The following MIB1 variants were observed in gnomAD, a reference collection of about 807,000 sequenced individuals.
The protein encoded by MIB1 is MIB E3 ubiquitin protein ligase 1.
In MIB1, 278 loss-of-function variants were observed where a neutral mutation model predicts 124.5. The observed-to-expected ratio is 2.23, with a 90% CI of 2.02 to 2.47. The LOEUF (loss-of-function observed/expected upper bound fraction) is 2.47, where lower values mean the gene tolerates loss of function less well. Among genes scored for constraint, MIB1 ranks in the 30% most tolerant of loss-of-function variants. The pLI, the probability that MIB1 is intolerant of heterozygous loss-of-function variation, is 0.00. For synonymous variants in MIB1, 446 were observed against 429.4 expected (o/e 1.04, Z -0.48); for missense variants, 957 against 1,254.4 (o/e 0.76, Z 3.58).
chr18:21,814,429 C>A (rs2041806514), intron 10 of MIB1, among the ~76,000 whole-genome samples: 1 of 148,250 alleles, frequency 6.7e-6, no homozygotes, highest in Admixed American at 6.7e-5. Flanking sequence ...TTTGTGTCAT[C>A]TTTGTAGGAC....
chr18:21,778,946 G>A (rs1190846222), intron 5 of MIB1, among the ~76,000 whole-genome samples: 1 of 152,004 alleles, frequency 6.6e-6, no homozygotes. Context: ...TCAGTATAGT[G>A]TTTCATGATC....
At chr18:21,833,212 C>T (rs1221342419) in intron 12 of MIB1, among the ~76,000 whole-genome samples, 2 of 152,168 alleles carry the variant, frequency 1.3e-5, no homozygotes, top group South Asian at 2.1e-4. Flanking sequence ...AATTATTCCT[C>T]TTGGGAACAA....
chr18:21,715,792 TAACTC>T (rs906402137), intron 1 of MIB1, among the ~76,000 whole-genome samples: 14 of 152,016 alleles, frequency 9.2e-5, no homozygotes, highest in Admixed American at 1.3e-4. Flanking sequence ...GTTTTCGAAT[TAACTC>T]AATCCAACAA....
chr18:21,843,005 G>C, intron 13 of MIB1, 126 bp from the exon 14 acceptor site: 1 of 600,312 alleles, frequency 1.7e-6, no homozygotes. Flanking sequence ...GAATAACATT[G>C]CAGCAGCTGA....
chr18:21,801,134 C>G (rs1157342595), intron 9 of MIB1, among the ~76,000 whole-genome samples: 1 of 152,136 alleles, frequency 6.6e-6, no homozygotes, highest in Non-Finnish European at 1.5e-5. Context: ...CTATTCTTAG[C>G]TGGCTGATAG....
intron 6 of MIB1, among the ~76,000 whole-genome samples, chr18:21,790,865 G>T (rs1422435704): frequency 6.6e-6 from 1 of 152,098 alleles, no homozygotes; most frequent in Non-Finnish European, 1.5e-5. Context: ...GTATTAAGGT[G>T]GTAAGATTAT....
intron 1 of MIB1, among the ~76,000 whole-genome samples, chr18:21,727,581 A>C (rs2040748034): frequency 6.6e-6 from 1 of 152,162 alleles, no homozygotes. Flanking sequence ...CCTTATCTAC[A>C]AAAAACAAAC....
intron 3 of MIB1, 98 bp downstream of exon 3, chr18:21,768,850 C>A: frequency 9.7e-7 from 1 of 1,030,242 alleles, no homozygotes; most frequent in South Asian, 2.2e-5. Context: ...CCATTGTTTT[C>A]CATGCCAGTA....
chr18:21,800,785 C>T lies in MIB1; in HGVS notation c.1371+811C>T, dbSNP rs955604154. On this transcript the variant is annotated intron_variant, in intron 9 of 20. Transcript: ENST00000261537. Reference sequence around the variant, plus strand: ...TGTCTTATTTCTCCTATAAGCTCGACATGTTAGCTTTATTATAGAGAAATC... The same window carrying T: ...TGTCTTATTTCTCCTATAAGCTCGATATGTTAGCTTTATTATAGAGAAATC... 7.2e-5 allele frequency among the ~76,000 whole-genome samples: 11 copies of T among 152,042 alleles called. 1 individual carries two copies. The highest frequency in any genetic ancestry group is 7.2e-4 in the Admixed American group (11 of 15,244).
At chr18:21,731,983 T>TATCA (rs1461135552) in intron 1 of MIB1, among the ~76,000 whole-genome samples, 2 of 151,854 alleles carry the variant, frequency 1.3e-5, no homozygotes, top group East Asian at 3.9e-4. Flanking sequence ...ATAGTCTTTT[T>TATCA]TACACTAAAG....
chr18:21,755,290 T>G (rs961061000), intron 1 of MIB1, among the ~76,000 whole-genome samples: 1 of 152,084 alleles, frequency 6.6e-6, no homozygotes, highest in Admixed American at 6.6e-5. Flanking sequence ...ATCTTTAAAC[T>G]TTTGTTTCTG....
chr18:21,792,757 C>T (rs536933952), intron 7 of MIB1, among the ~76,000 whole-genome samples: 5 of 152,184 alleles, frequency 3.3e-5, no homozygotes, highest in East Asian at 3.9e-4. Context: ...ATCAGAGGTG[C>T]GATTCTGAAC....
intron 12 of MIB1, among the ~76,000 whole-genome samples, chr18:21,820,072 ACTT>A (rs1418178302): frequency 6.6e-6 from 1 of 152,184 alleles, no homozygotes; most frequent in Non-Finnish European, 1.5e-5. Context: ...AGTTATATAA[ACTT>A]CTAGTATAGC....
chr18:21,791,507 A>G lies in MIB1; in HGVS notation c.1042A>G (p.Ile348Val), dbSNP rs746228302. Residue 348 changes from isoleucine (I) to valine (V), a missense_variant, in exon 7 of 21, where the codon ATT becomes GTT. Coordinates refer to ENST00000261537, the MANE Select transcript of MIB1 (RefSeq NM_020774.4). ...ACAAGTTTGTTATGACCTGGAACGA[A>G]TTAAACTTCTACAAAGAGGACATGG... is the stretch of plus-strand genomic sequence containing the variant. ...LVQVCYDLER[I>V]KLLQRGHGEW... is the part of the protein sequence containing the mutation. 6.2e-7 allele frequency: 1 copy of G among 1,614,064 alleles called. No individual in the cohort carries two copies.
Position 21,741,933 on chromosome 18 carries a change from A to G in MIB1, c.229+121A>G. The G allele has an allele frequency of 1.1e-6, 1 of 881,758 alleles. No individual in the cohort carries two copies. Among genetic ancestry groups the G allele is most frequent in the Non-Finnish European group, 1.7e-6 (1 of 601,796 alleles). The allele number at this position is 881,758 out of a possible 1,614,324, so 54.6% of individuals were successfully genotyped here. ...CACCTGGTGGGCAGCGCCCGGCTGG[A>G]GCGAGCGGAAAGGCAAAGCGCCAAA... On this transcript the variant is annotated intron_variant, in intron 1 of 20. Coordinates refer to ENST00000261537, the MANE Select transcript of MIB1 (RefSeq NM_020774.4). This position sits in a 1 kb window ranked among gnomAD's most constrained non-coding sequence, Gnocchi z 5.4.
chr18:21,816,226 C>T (rs559728555), intron 11 of MIB1, among the ~76,000 whole-genome samples: 4 of 152,094 alleles, frequency 2.6e-5, no homozygotes, highest in South Asian at 2.1e-4. Flanking sequence ...GTGTAATCTT[C>T]GGAGATTTCT....
intron 15 of MIB1, among the ~76,000 whole-genome samples, chr18:21,846,072 T>C (rs1318069501): frequency 1.3e-5 from 2 of 152,240 alleles, no homozygotes; most frequent in East Asian, 3.8e-4. Context: ...TCTTAATTAC[T>C]GTCTACATAA....
At chr18:21,843,278 C>G in intron 14 of MIB1, 61 bp downstream of exon 14, 1 of 1,193,454 alleles carries the variant, frequency 8.4e-7, no homozygotes. Context: ...ATTTTTAGAA[C>G]TTCCTGAAAA....
At chr18:21,766,883 A>G (rs1314623767) in intron 2 of MIB1, among the ~76,000 whole-genome samples, 3 of 152,198 alleles carry the variant, frequency 2.0e-5, no homozygotes, top group Non-Finnish European at 4.4e-5. Flanking sequence ...TATTAAAATA[A>G]GTAAATAAAT....
Sources: allele counts gnomAD v4.1 joint callset (sites outside exome capture counted in the v4.1 genomes callset), GRCh38; gene constraint gnomAD v4.1.1; non-coding constraint Gnocchi (gnomAD v3.1); transcripts MANE v1.5; gene names NCBI Gene and HGNC (gene_info 2026-07-23, HGNC 2026-07-21).